CREB5: variants seen among roughly 807,000 people sequenced by gnomAD.
The protein encoded by CREB5 is cAMP responsive element binding protein 5.
A neutral mutation model predicts 57.1 loss-of-function variants in CREB5; 19 were observed. The ratio of observed to expected loss-of-function variants is 0.33; its 90% confidence interval spans 0.23 to 0.49. The LOEUF (loss-of-function observed/expected upper bound fraction) is 0.49. Ranked by LOEUF, CREB5 falls within the 20% of genes least tolerant of loss-of-function variation. The pLI is 0.99. For synonymous variants in CREB5, 238 were observed against 238.3 expected (o/e 1.00, Z 0.01); for missense variants, 579 against 671.6 (o/e 0.86, Z 1.52).
At chr7:28,460,546 C>A (rs78580818) in intron 1 of CREB5, among the ~76,000 whole-genome samples, 4 of 152,212 alleles carry the variant, frequency 2.6e-5, no homozygotes, top group Non-Finnish European at 5.9e-5. Context: ...TTTTGCCTTC[C>A]AATGGCTTTC....
intron 5 of CREB5, among the ~76,000 whole-genome samples, chr7:28,581,537 C>T (rs748496565): frequency 6.6e-5 from 10 of 152,222 alleles, no homozygotes; most frequent in Non-Finnish European, 8.8e-5. Flanking sequence ...GAATCACAAA[C>T]GCCCTCAAGT....
intron 1 of CREB5, among the ~76,000 whole-genome samples, chr7:28,365,878 A>T (rs1786576692): frequency 6.6e-6 from 1 of 152,178 alleles, no homozygotes; most frequent in South Asian, 2.1e-4. Context: ...AATTTTGTAG[A>T]CCATTACACA....
chr7:28,410,428 T>C (rs1475455352), upstream of CREB5: 1 of 456,720 alleles, frequency 2.2e-6, no homozygotes, highest in Admixed American at 2.3e-5. Context: ...ACTTGAACTT[T>C]TCACGAAGTT....
chr7:28,811,125 A>ACACT (rs1307339492), intron 9 of CREB5, among the ~76,000 whole-genome samples: 2 of 152,132 alleles, frequency 1.3e-5, no homozygotes, highest in African/African-American at 4.8e-5. Flanking sequence ...TGTAGTGTCT[A>ACACT]CACTCAGTAA....
chr7:28,813,832 C>T (rs1329731325), intron 9 of CREB5, among the ~76,000 whole-genome samples: 4 of 152,032 alleles, frequency 2.6e-5, no homozygotes, highest in Non-Finnish European at 5.9e-5. Flanking sequence ...ATCTTACAGT[C>T]GCTAAACAGC....
chr7:28,815,698 A>G (rs1809397454), intron 9 of CREB5, among the ~76,000 whole-genome samples: 1 of 152,158 alleles, frequency 6.6e-6, no homozygotes, highest in Non-Finnish European at 1.5e-5. Flanking sequence ...GGGAGATCGA[A>G]TGCTGCCAAG....
intron 3 of CREB5, among the ~76,000 whole-genome samples, chr7:28,507,287 G>A (rs757057167): frequency 1.1e-4 from 17 of 151,830 alleles, no homozygotes; most frequent in Non-Finnish European, 2.4e-4. Context: ...AATAAATATA[G>A]AAAGAAAAAG....
intron 4 of CREB5, among the ~76,000 whole-genome samples, chr7:28,525,338 A>G (rs1040357471): frequency 6.6e-5 from 10 of 152,128 alleles, no homozygotes; most frequent in Non-Finnish European, 1.3e-4. Context: ...TTGGATAAAT[A>G]CTCAGTAGTG....
At chr7:28,699,579 T>A (rs185157856) in intron 5 of CREB5, among the ~76,000 whole-genome samples, 1 of 152,186 alleles carries the variant, frequency 6.6e-6, no homozygotes, top group East Asian at 1.9e-4. Flanking sequence ...TAACAGTGAT[T>A]GTTAAAATCT....
At chr7:28,497,227 T>A (rs1792094249) in intron 3 of CREB5, among the ~76,000 whole-genome samples, 1 of 152,198 alleles carries the variant, frequency 6.6e-6, no homozygotes, top group Non-Finnish European at 1.5e-5. Flanking sequence ...AGGAGCCCCA[T>A]CTGAAGGTCT....
chr7:28,413,956 G>A (rs1212121283), intron 1 of CREB5, among the ~76,000 whole-genome samples: 4 of 151,836 alleles, frequency 2.6e-5, no homozygotes, highest in Non-Finnish European at 5.9e-5. Flanking sequence ...TTAGCAATGA[G>A]GTATCACAAT....
At chr7:28,796,456 C>T (rs1000961287) in intron 7 of CREB5, among the ~76,000 whole-genome samples, 1 of 152,294 alleles carries the variant, frequency 6.6e-6, no homozygotes, top group African/African-American at 2.4e-5. Flanking sequence ...CCACTCCTCC[C>T]TCATCCACAA....
intron 4 of CREB5, among the ~76,000 whole-genome samples, chr7:28,544,284 G>A (rs1794327621): frequency 6.6e-6 from 1 of 152,154 alleles, no homozygotes; most frequent in Admixed American, 6.5e-5. Context: ...GGTTGATCCA[G>A]AGATATGTGA....
intron 2 of CREB5, among the ~76,000 whole-genome samples, chr7:28,488,842 A>G (rs1042059755): frequency 1.8e-4 from 27 of 152,330 alleles, no homozygotes; most frequent in African/African-American, 6.3e-4. Context: ...TCGAAGAGAT[A>G]CTGCTGGTAG....
chr7:28,435,091 C>CTTTTT (rs397702746), intron 1 of CREB5, among the ~76,000 whole-genome samples: 5 of 132,780 alleles, frequency 3.8e-5, no homozygotes, highest in Admixed American at 1.5e-4. Context: ...GGCCACCTGG[C>CTTTTT]TTTTTTTTTT....
In CREB5 at chr7:28,820,427, T is replaced by C. The variant is rs1809696795; in HGVS notation, c.*1148T>C. 6.6e-6 allele frequency: 1 copy of C among 151,958 alleles called. No homozygotes were observed. Among genetic ancestry groups the C allele is most frequent in the Non-Finnish European group, 1.5e-5 (1 of 67,886 alleles). 9.4% of individuals were successfully genotyped at this position (151,958 alleles called of 1,614,324 possible). The stretch of plus-strand genomic sequence containing the variant: ...AGCCTAAGATTTATTTTTTTTTTTT[T>C]CTTAAGCCTATGGAACCGGCTTTGC... On this transcript the variant is annotated 3_prime_UTR_variant, in exon 11 of 11. Coordinates refer to ENST00000357727, the MANE Select transcript of CREB5 (RefSeq NM_182898.4).
At chr7:28,604,767 C>G (rs1032795220) in intron 5 of CREB5, among the ~76,000 whole-genome samples, 1 of 151,522 alleles carries the variant, frequency 6.6e-6, no homozygotes. Flanking sequence ...TCAAAATAGC[C>G]CTATCATTGG....
In CREB5 at chr7:28,560,901, C is replaced by CGTGCGTGTGCGCGCGTGCGT. The variant is rs1368518820; in HGVS notation, c.292-9463_292-9462insTGCGTGTGCGCGCGTGCGTG. On this transcript the variant is annotated intron_variant, in intron 4 of 10. Coordinates refer to ENST00000357727, the MANE Select transcript of CREB5 (RefSeq NM_182898.4). ...GTGCGTGCGTGCGTGTGTGTGCGTGCGCGCGTGCGTGTGCGTGTGTGCGCG... is the reference window on the plus strand; with the variant it reads ...GTGCGTGCGTGCGTGTGTGTGCGTGCGTGCGTGTGCGCGCGTGCGTGCGCGTGCGTGTGCGTGTGTGCGCG... Among the ~76,000 whole-genome samples the CGTGCGTGTGCGCGCGTGCGT allele has an allele frequency of 6.9e-3, 150 of 21,658 alleles. 13 individuals carry two copies. The highest frequency in any genetic ancestry group is 0.011 in the Non-Finnish European group (115 of 10,600). The allele number at this position is 21,658 out of a possible 152,430, so 14.2% of individuals were successfully genotyped here.
At chr7:28,610,039 A>G (rs1244881248) in intron 5 of CREB5, among the ~76,000 whole-genome samples, 1 of 152,196 alleles carries the variant, frequency 6.6e-6, no homozygotes, top group East Asian at 1.9e-4. Flanking sequence ...CTTAAGGCAG[A>G]CTTTGTAGCT....
Sources: allele counts gnomAD v4.1 joint callset (sites outside exome capture counted in the v4.1 genomes callset), GRCh38; gene constraint gnomAD v4.1.1; transcripts MANE v1.5; gene names NCBI Gene and HGNC (gene_info 2026-07-23, HGNC 2026-07-21).